ATF6: variants seen among roughly 807,000 people sequenced by gnomAD.
ATF6 encodes activating transcription factor 6.
ATF6 carries 53 observed loss-of-function variants against 83.6 expected under a neutral mutation model. The ratio of observed to expected loss-of-function variants is 0.63; its 90% CI spans 0.51 to 0.80. The LOEUF (loss-of-function observed/expected upper bound fraction) is 0.80. Among genes scored for constraint, ATF6 ranks in the 30% least tolerant of loss-of-function variants. The pLI is 0.00. For missense variants in ATF6, 744 were observed against 797.9 expected (o/e 0.93, Z 0.81); for synonymous variants, 288 against 285.8 (o/e 1.01, Z -0.08).
intron 9 of ATF6, among the ~76,000 whole-genome samples, chr1:161,843,437 A>C (rs558366860): frequency 6.6e-6 from 1 of 152,238 alleles, no homozygotes. Flanking sequence ...TATTTACTAC[A>C]TGAATAAATT....
At chr1:161,893,174 C>T (rs1376288285) in intron 14 of ATF6, among the ~76,000 whole-genome samples, 1 of 150,284 alleles carries the variant, frequency 6.7e-6, no homozygotes, top group East Asian at 2.0e-4. Flanking sequence ...TTCTTTCTTT[C>T]TTTTTTTTTG....
intron 15 of ATF6, among the ~76,000 whole-genome samples, chr1:161,944,049 C>T (rs1453812857): frequency 6.6e-6 from 1 of 152,104 alleles, no homozygotes; most frequent in East Asian, 1.9e-4. Context: ...AATAGAAAGT[C>T]AAAGAAGCTA....
intron 14 of ATF6, among the ~76,000 whole-genome samples, chr1:161,909,136 T>G (rs772047265): frequency 1.3e-5 from 2 of 152,226 alleles, no homozygotes; most frequent in African/African-American, 2.4e-5. Flanking sequence ...TTTATTTCTG[T>G]CTCATGTATA....
intron 12 of ATF6, among the ~76,000 whole-genome samples, chr1:161,855,540 TG>T (rs1159470515): frequency 6.6e-6 from 1 of 152,060 alleles, no homozygotes; most frequent in Non-Finnish European, 1.5e-5. Context: ...AGGTTGAAAC[TG>T]GAAGTTTAAT....
chr1:161,802,422 T>C, intron 7 of ATF6, 150 bp downstream of exon 7: 1 of 711,756 alleles, frequency 1.4e-6, no homozygotes, highest in Non-Finnish European at 2.3e-6. Context: ...CATCTAGTCT[T>C]TGGAGGAAAA....
chr1:161,827,661 T>A (rs899499430), intron 9 of ATF6, among the ~76,000 whole-genome samples: 18 of 149,320 alleles, frequency 1.2e-4, no homozygotes, highest in Middle Eastern at 3.4e-3. Context: ...AAAAAAAAAA[T>A]AAAACACACA....
chr1:161,889,164 G>A (rs565989704), intron 14 of ATF6, among the ~76,000 whole-genome samples: 2 of 152,304 alleles, frequency 1.3e-5, no homozygotes, highest in East Asian at 3.9e-4. Context: ...ATCCTAATAT[G>A]GCACATGTGT....
intron 12 of ATF6, among the ~76,000 whole-genome samples, chr1:161,858,778 T>C (rs1686818133): frequency 6.6e-6 from 1 of 152,230 alleles, no homozygotes; most frequent in African/African-American, 2.4e-5. Flanking sequence ...TGACTAGTTT[T>C]TCAGAGGTTC....
chr1:161,951,843 A>T (rs184345533), intron 15 of ATF6, among the ~76,000 whole-genome samples: 104 of 152,312 alleles, frequency 6.8e-4, no homozygotes, highest in African/African-American at 2.2e-3. Context: ...GCCACTCAGT[A>T]AATGCTGACT....
chr1:161,821,441 G>A (rs143745848), intron 9 of ATF6, among the ~76,000 whole-genome samples: 14 of 152,240 alleles, frequency 9.2e-5, no homozygotes, highest in Admixed American at 5.9e-4. Flanking sequence ...GGTTCTTGTC[G>A]TATTGATGGG....
intron 12 of ATF6, among the ~76,000 whole-genome samples, chr1:161,853,690 G>T (rs748887552): frequency 1.3e-5 from 2 of 152,208 alleles, no homozygotes; most frequent in African/African-American, 4.8e-5. Context: ...TTCAAAAAGA[G>T]AATGTTAAGA....
At chr1:161,955,412 A>G (rs566594864) in intron 15 of ATF6, among the ~76,000 whole-genome samples, 28 of 152,330 alleles carry the variant, frequency 1.8e-4, no homozygotes, top group African/African-American at 6.0e-4. Flanking sequence ...ATCTGCCATG[A>G]TTAAGAGGAG....
intron 14 of ATF6, among the ~76,000 whole-genome samples, chr1:161,867,503 C>T (rs1240187025): frequency 6.6e-6 from 1 of 152,084 alleles, no homozygotes; most frequent in Non-Finnish European, 1.5e-5. Flanking sequence ...TATTTCAATA[C>T]ACATTTAAAT....
intron 14 of ATF6, among the ~76,000 whole-genome samples, chr1:161,894,511 G>A (rs6427638): frequency 0.25 from 18,826 of 76,260 alleles, 1,833 homozygotes; most frequent in East Asian, 0.43. Context: ...GGCAACATTT[G>A]TTTTGTAGTC....
Position 161,958,510 on chromosome 1 carries a change from C to G in ATF6, c.1869C>G (p.Thr623=), listed in dbSNP as rs1342188521. The change falls in exon 16 of 16, where the codon ACC becomes ACG. Residue 623 remains threonine, a synonymous_variant. Transcript: ENST00000367942. Reference sequence around the variant, plus strand: ...AGATTGACTGTCAGGTGATGGACACCAGGATCCTCCATATCAAAAGTTCGT... The same window carrying G: ...AGATTGACTGTCAGGTGATGGACACGAGGATCCTCCATATCAAAAGTTCGT... ...MMQIDCQVMD[T]RILHIKSSSV... 3 of 1,613,672 alleles carry G rather than the reference C, an allele frequency of 1.9e-6. No homozygotes were observed. Among genetic ancestry groups the G allele is most frequent in the Non-Finnish European group, 2.5e-6 (3 of 1,179,704 alleles).
chr1:161,821,969 G>A (rs1685774968), intron 9 of ATF6, among the ~76,000 whole-genome samples: 1 of 152,112 alleles, frequency 6.6e-6, no homozygotes, highest in African/African-American at 2.4e-5. Context: ...GTATAATGTG[G>A]GACATGAGGA....
chr1:161,834,715 T>C (rs1303338004), intron 9 of ATF6, among the ~76,000 whole-genome samples: 1 of 151,938 alleles, frequency 6.6e-6, no homozygotes, highest in Non-Finnish European at 1.5e-5. Flanking sequence ...ACATGGCACA[T>C]GTATACATAT....
At chr1:161,785,328 C>G (rs998921286) in intron 4 of ATF6, among the ~76,000 whole-genome samples, 2 of 152,144 alleles carry the variant, frequency 1.3e-5, no homozygotes, top group African/African-American at 4.8e-5. Flanking sequence ...CTTTATGAAG[C>G]TTTTCTCTGA....
chr1:161,919,711 C>T (rs755175569), intron 15 of ATF6, among the ~76,000 whole-genome samples: 4 of 152,124 alleles, frequency 2.6e-5, no homozygotes, highest in African/African-American at 4.8e-5. Flanking sequence ...TAAAAATAAA[C>T]AACTGTTTAT....
Sources: gnomAD v4.1 joint callset for allele counts (sites outside exome capture counted in the v4.1 genomes callset) on GRCh38, gnomAD v4.1.1 for gene constraint, MANE v1.5 for transcripts, NCBI Gene and HGNC (gene_info 2026-07-23, HGNC 2026-07-21) for gene names.